The following TRDN variants were observed in gnomAD, a reference collection of about 807,000 sequenced individuals.
The protein encoded by TRDN is triadin in skeletal muscle.
In TRDN, 161 loss-of-function variants were observed where a neutral mutation model predicts 149.7. That is an observed-to-expected ratio of 1.08 (90% confidence interval 0.95 to 1.23). TRDN has a LOEUF of 1.23. Ranked by LOEUF, TRDN falls within the 50% of genes most tolerant of loss-of-function variation. TRDN has a pLI of 0.00. For synonymous variants in TRDN, 294 were observed against 250.5 expected (o/e 1.17, Z -1.64); for missense variants, 896 against 823.5 (o/e 1.09, Z -1.08).
At chr6:123,386,565 G>C (rs574421388) in intron 14 of TRDN, among the ~76,000 whole-genome samples, 27 of 152,260 alleles carry the variant, frequency 1.8e-4, no homozygotes, top group African/African-American at 5.3e-4. Flanking sequence ...GATTCTCCCA[G>C]AACACAGAAA....
At chr6:123,585,691 T>A (rs548787753) in intron 1 of TRDN, among the ~76,000 whole-genome samples, 1 of 152,236 alleles carries the variant, frequency 6.6e-6, no homozygotes, top group East Asian at 1.9e-4. Context: ...GGACGTGGCT[T>A]AGGAGGAATC....
chr6:123,376,109 T>A (rs1781491098), intron 18 of TRDN, among the ~76,000 whole-genome samples: 1 of 152,172 alleles, frequency 6.6e-6, no homozygotes, highest in Non-Finnish European at 1.5e-5. Flanking sequence ...TCAAGCAATT[T>A]ATTGTATTTT....
At chr6:123,320,213 TC>T (rs1457364399) in intron 23 of TRDN, among the ~76,000 whole-genome samples, 2 of 103,688 alleles carry the variant, frequency 1.9e-5, no homozygotes, top group Admixed American at 1.1e-4. Context: ...AAAATAATAA[TC>T]ATTATTATTA....
intron 1 of TRDN, among the ~76,000 whole-genome samples, chr6:123,577,360 C>T (rs9375268): frequency 0.16 from 23,563 of 152,014 alleles, 2,227 homozygotes; most frequent in African/African-American, 0.27. Flanking sequence ...CATGAGTTGT[C>T]ATCATTTAGT....
Position 123,264,086 on chromosome 6 carries a change from G to T in TRDN, c.1804+1232C>A, listed in dbSNP as rs190808352. Among the ~76,000 whole-genome samples, 4 of 152,116 alleles carry T rather than the reference G, an allele frequency of 2.6e-5. No homozygotes were observed. In the East Asian group the frequency reaches 5.8e-4, roughly 22 times the overall value. Reference sequence around the variant, plus strand: ...GAACACAACATACATTCTGCAGCCCGTGGGACTAAAGAGTAATTTTGACAT... The same window carrying T: ...GAACACAACATACATTCTGCAGCCCTTGGGACTAAAGAGTAATTTTGACAT... On this transcript the variant is annotated intron_variant, in intron 33 of 40. Transcript: ENST00000334268.
At chr6:123,546,501 T>C (rs1476946627) in intron 4 of TRDN, among the ~76,000 whole-genome samples, 4 of 152,096 alleles carry the variant, frequency 2.6e-5, no homozygotes, top group Non-Finnish European at 4.4e-5. Flanking sequence ...GTTATCTTCC[T>C]GGGTAAACCC....
intron 1 of TRDN, among the ~76,000 whole-genome samples, chr6:123,576,885 G>C (rs1216123152): frequency 6.6e-6 from 1 of 151,912 alleles, no homozygotes; most frequent in East Asian, 1.9e-4. Flanking sequence ...TGGCAATTTA[G>C]GGCTTTCATG....
chr6:123,520,593 G>A (rs1027084910), intron 5 of TRDN, among the ~76,000 whole-genome samples: 3 of 152,126 alleles, frequency 2.0e-5, no homozygotes, highest in Non-Finnish European at 4.4e-5. Flanking sequence ...ACCTATTAAA[G>A]TGAAGATCAG....
chr6:123,403,988 T>C (rs1255226855), intron 12 of TRDN, among the ~76,000 whole-genome samples: 2 of 152,204 alleles, frequency 1.3e-5, no homozygotes, highest in Non-Finnish European at 2.9e-5. Context: ...GGATACTACA[T>C]GTTATTGGTG....
At chr6:123,298,953 TAACA>T (rs1017040859) in intron 24 of TRDN, among the ~76,000 whole-genome samples, 2 of 152,086 alleles carry the variant, frequency 1.3e-5, no homozygotes, top group Admixed American at 1.3e-4. Flanking sequence ...TTACTTCACC[TAACA>T]AACGGAGAAA....
intron 2 of TRDN, among the ~76,000 whole-genome samples, chr6:123,550,386 A>C (rs1041278422): frequency 6.6e-6 from 1 of 152,052 alleles, no homozygotes; most frequent in African/African-American, 2.4e-5. Context: ...GGACAGAGTG[A>C]TCAACTGGAA....
At chr6:123,626,725 C>T (rs1023650624) in intron 1 of TRDN, among the ~76,000 whole-genome samples, 2 of 151,424 alleles carry the variant, frequency 1.3e-5, no homozygotes, top group African/African-American at 4.9e-5. Flanking sequence ...CCCCATGTAC[C>T]CTAGAACTTA....
intron 19 of TRDN, among the ~76,000 whole-genome samples, chr6:123,367,349 C>T (rs1304371778): frequency 1.3e-5 from 2 of 152,118 alleles, no homozygotes; most frequent in Non-Finnish European, 2.9e-5. Context: ...TATCACCCTT[C>T]ACCCATATAT....
chr6:123,361,345 G>A (rs996786520), intron 20 of TRDN, among the ~76,000 whole-genome samples: 14 of 152,046 alleles, frequency 9.2e-5, no homozygotes, highest in African/African-American at 3.4e-4. Context: ...GAACAGGGAG[G>A]GGAACATCAC....
At chr6:123,469,969 A>G (rs1777059616) in intron 9 of TRDN, 2 of 152,218 alleles carry the variant, frequency 1.3e-5, no homozygotes, top group Non-Finnish European at 2.9e-5. Context: ...TCTTTCAGTT[A>G]GTGGCAAAGG....
intron 1 of TRDN, among the ~76,000 whole-genome samples, chr6:123,583,302 G>GT (rs1430628005): frequency 1.3e-5 from 2 of 151,986 alleles, no homozygotes; most frequent in Non-Finnish European, 2.9e-5. Flanking sequence ...GGGATGACAA[G>GT]TTTTTGGGGG....
intron 1 of TRDN, among the ~76,000 whole-genome samples, chr6:123,634,922 C>CAGT (rs1273756657): frequency 6.6e-6 from 1 of 151,774 alleles, no homozygotes; most frequent in Non-Finnish European, 1.5e-5. Flanking sequence ...GAAGGTCTTC[C>CAGT]AAGGCCCTTT....
At position 123,267,699 on chromosome 6, in the gene TRDN, T is replaced by C; in HGVS notation, c.1783+8A>G. 5.1e-6 allele frequency: 8 copies of C among 1,561,646 alleles called. No homozygotes were observed. The highest frequency in any genetic ancestry group is 6.9e-6 in the Non-Finnish European group (8 of 1,152,320). On this transcript the variant is annotated splice_region_variant and intron_variant, in intron 32 of 40. Transcript: ENST00000334268. ...AAGACAGAATATAAACCAAAAATGG[T>C]AAAATACCTGTTTTTATAGATGGAG...
intron 12 of TRDN, chr6:123,437,457 G>T (rs1162161599): frequency 6.9e-6 from 2 of 289,494 alleles, no homozygotes; most frequent in Non-Finnish European, 1.3e-5. Flanking sequence ...AGGCTGGAGT[G>T]CAGTAGTGCA....
Sources: gnomAD v4.1 joint callset for allele counts (sites outside exome capture counted in the v4.1 genomes callset) on GRCh38, gnomAD v4.1.1 for gene constraint, MANE v1.5 for transcripts, NCBI Gene and HGNC (gene_info 2026-07-23, HGNC 2026-07-21) for gene names.